MMRN2: variants seen among roughly 807,000 people sequenced by gnomAD.
The protein encoded by MMRN2 is multimerin 2, also known as multimerin-2.
MMRN2 carries 53 observed loss-of-function variants against 68.8 expected under a neutral mutation model. That is an observed-to-expected ratio of 0.77 (90% CI 0.62 to 0.97). The LOEUF is 0.97. Ranked by LOEUF, MMRN2 falls within the 50% of genes least tolerant of loss-of-function variation. MMRN2 has a pLI of 0.00. For missense variants in MMRN2, 1,266 were observed against 1,259.5 expected, an observed-to-expected ratio of 1.01 and a Z score of -0.08; for synonymous variants, 564 against 551.6, an observed-to-expected ratio of 1.02 and a Z score of -0.32.
At chr10:86,948,224 CAAAAAA>C (rs57877767) in intron 1 of MMRN2, among the ~76,000 whole-genome samples, 1 of 98,854 alleles carries the variant, frequency 1.0e-5, no homozygotes, top group Non-Finnish European at 2.0e-5. Context: ...AACCCTATCT[CAAAAAA>C]AAAAAAAAAA....
At position 86,943,665 on chromosome 10, in the gene MMRN2, C is replaced by T. The variant is rs761332031; in HGVS notation, c.1119G>A (p.Leu373=). The change falls in exon 6 of 7, where the codon CTG becomes CTA. Residue 373 remains leucine, a synonymous_variant. Coordinates refer to ENST00000372027, the MANE Select transcript of MMRN2 (RefSeq NM_024756.3). This position sits in a 1 kb window ranked among gnomAD's most constrained non-coding sequence, Gnocchi z 4.2. ...CTGAGAGGTTCCTCTGCAGCTGGCC[C>T]AGCCTGGCCTGCAGGCTGTCCGGCT... The part of the protein sequence containing the change: ...RPEPDSLQAR[L]GQLQRNLSEL... 1.4e-4 allele frequency: 221 copies of T among 1,612,088 alleles called. 2 individuals are homozygous for T. The Admixed American group carries it at 3.7e-3, about 27-fold the overall frequency.
At chr10:86,949,912 A>AATAATT (rs1491529882) in intron 1 of MMRN2, 4 of 149,172 alleles carry the variant, frequency 2.7e-5, no homozygotes, top group Non-Finnish European at 5.9e-5. Context: ...TAATAATAAT[A>AATAATT]ATAGTCTTGG....
chr10:86,937,605 A>T (rs149670834), intron 6 of MMRN2, among the ~76,000 whole-genome samples: 1 of 152,160 alleles, frequency 6.6e-6, no homozygotes, highest in African/African-American at 2.4e-5. Flanking sequence ...TTCTCGTTTG[A>T]TCCCTTTTCC....
intron 1 of MMRN2, among the ~76,000 whole-genome samples, chr10:86,952,792 T>C (rs1485325360): frequency 6.6e-6 from 1 of 152,174 alleles, no homozygotes; most frequent in African/African-American, 2.4e-5. Context: ...GAGAACCAGT[T>C]TGATCTCAAA....
chr10:86,948,427 G>A (rs1050003077), intron 1 of MMRN2, among the ~76,000 whole-genome samples: 1 of 151,928 alleles, frequency 6.6e-6, no homozygotes, highest in Non-Finnish European at 1.5e-5. Context: ...GAGAGGAAGC[G>A]TGAGCATTCA....
At position 86,949,768 on chromosome 10, in the gene MMRN2, C is replaced by T. The variant is rs184020911; in HGVS notation, c.165-4079G>A. The T allele has an allele frequency of 6.7e-3, 1,015 of 151,438 alleles. 10 individuals carry two copies. Among genetic ancestry groups the T allele is most frequent in the South Asian group, 0.037 (175 of 4,764 alleles). 9.4% of individuals were successfully genotyped at this position (151,438 alleles called of 1,614,324 possible). The stretch of plus-strand genomic sequence containing the variant: ...GTGCACGCCTGTAATCCCAGCTACT[C>T]GGGAGACTGAGGCAGGAGAATCACT... On this transcript the variant is annotated intron_variant, in intron 1 of 6. Coordinates refer to ENST00000372027, the MANE Select transcript of MMRN2 (RefSeq NM_024756.3).
chr10:86,942,793 G>A lies in MMRN2; in HGVS notation c.1991C>T (p.Ala664Val). 7.3e-7 allele frequency: 1 copy of A among 1,360,786 alleles called. No homozygotes were observed. Among genetic ancestry groups the A allele is most frequent in the Non-Finnish European group, 9.4e-7 (1 of 1,059,504 alleles). The allele number at this position is 1,360,786 out of a possible 1,614,324, so 84.3% of individuals were successfully genotyped here. ...GWDELAARVT[A>V]LEQASEPPRP... ...CGGGGGCTCCGAGGCCTGCTCCAGG[G>A]CCGTCACTCGGGCGGCCAGCTCGTC... The change falls in exon 6 of 7, where the codon GCC becomes GTC. Residue 664 changes from alanine to valine, a missense_variant. Ala to Val is a moderately conservative substitution (Grantham distance 64). Coordinates refer to ENST00000372027, the MANE Select transcript of MMRN2 (RefSeq NM_024756.3).
chr10:86,945,349 G>T, intron 3 of MMRN2, 21 bp downstream of exon 3: 5 of 1,601,656 alleles, frequency 3.1e-6, no homozygotes, highest in Non-Finnish European at 4.3e-6. Context: ...AAGGGGGGAA[G>T]GGGGCCGCAG....
chr10:86,953,652 C>T (rs1456567787), intron 1 of MMRN2, among the ~76,000 whole-genome samples: 2 of 152,186 alleles, frequency 1.3e-5, no homozygotes, highest in Non-Finnish European at 2.9e-5. Context: ...CTGCCAAATA[C>T]CCTACAATGC....
intron 1 of MMRN2, 84 bp downstream of exon 1, chr10:86,957,294 G>A (rs1056856236): frequency 2.8e-6 from 4 of 1,418,194 alleles, no homozygotes; most frequent in African/African-American, 1.4e-5. Flanking sequence ...TGGGACCCCA[G>A]TGAGGTCTAG....
In MMRN2 at chr10:86,942,657, C is replaced by T. The variant is rs775565243; in HGVS notation, c.2127G>A (p.Lys709=). 18 of 1,596,446 alleles carry T rather than the reference C, an allele frequency of 1.1e-5. No homozygotes were observed. The highest frequency in any genetic ancestry group is 3.4e-6 in the Non-Finnish European group (4 of 1,178,214). Residue 709 remains lysine (K), a synonymous_variant, in exon 6 of 7, where the codon AAG becomes AAA. Transcript: ENST00000372027. The part of the protein sequence containing the change: ...RELQSLSNDV[K]NVGRCCEAEA... ...CGGCCTCGCAGCACCGCCCGACATT[C>T]TTGACGTCGTTGCTCAGGCTCTGGA...
In MMRN2 at chr10:86,943,071, C is replaced by T; in HGVS notation, c.1713G>A (p.Leu571=). ...CCTTCAGCGCGCCCACCTCGTCATC[C>T]AGCGCCTGCACTTGGCTCCGGAGCC... ...TSRLRSQVQA[L]DDEVGALKAA... is the part of the protein sequence containing the mutation. The change falls in exon 6 of 7, where the codon CTG becomes CTA. Residue 571 remains leucine (L), a synonymous_variant. Coordinates refer to ENST00000372027, the MANE Select transcript of MMRN2 (RefSeq NM_024756.3). The surrounding 1 kb of genome is among the most constrained non-coding windows in gnomAD (Gnocchi z 4.2). 1.4e-6 allele frequency: 2 copies of T among 1,420,322 alleles called. No individual in the cohort carries two copies. The highest frequency in any genetic ancestry group is 3.7e-4 in the Middle Eastern group (2 of 5,478). 88.0% of individuals were successfully genotyped at this position (1,420,322 alleles called of 1,614,324 possible). A position where few individuals can be genotyped will look rare whatever the true frequency, so the allele number is the denominator to read the frequency against.
intron 1 of MMRN2, among the ~76,000 whole-genome samples, chr10:86,955,485 G>T (rs767065965): frequency 3.7e-4 from 57 of 152,230 alleles, no homozygotes; most frequent in Middle Eastern, 6.8e-3. Context: ...CTGCATCCTG[G>T]GCCCAGCCTA....
At chr10:86,940,881 G>C (rs746677) in intron 6 of MMRN2, among the ~76,000 whole-genome samples, 2 of 151,982 alleles carry the variant, frequency 1.3e-5, no homozygotes, top group African/African-American at 4.8e-5. Flanking sequence ...TCCCCCTCCC[G>C]GGACCACACT....
chr10:86,944,141 T>G lies in MMRN2; in HGVS notation c.656-13A>C. The G allele has an allele frequency of 6.2e-7, 1 of 1,610,358 alleles. No homozygotes were observed. The highest frequency in any genetic ancestry group is 8.5e-7 in the Non-Finnish European group (1 of 1,177,426). On this transcript the variant is annotated splice_polypyrimidine_tract_variant and intron_variant, in intron 5 of 6. Transcript: ENST00000372027. ...CTATCAGGGAACTCTGCAACAGACA[T>G]GTGGTGTGACACAAGCCCTGCAGGA...
In MMRN2 at chr10:86,942,912, C is replaced by A; in HGVS notation, c.1872G>T (p.Glu624Asp). The stretch of plus-strand genomic sequence containing the variant: ...TCAGGGGCAGCGGTCCCGGCGTCTG[C>A]TCAGACATCTCCTCCAGCACCTCCT... ...FGEEVLEEMS[E>D]QTPGPLPLSY... is the part of the protein sequence containing the mutation. Residue 624 changes from glutamate (E) to aspartate (D), a missense_variant, in exon 6 of 7, where the codon GAG (glutamate) becomes GAT (aspartate). Physicochemically the swap from Glu to Asp is conservative, Grantham distance 45. Transcript: ENST00000372027. 1 of 1,489,876 alleles carries A rather than the reference C, an allele frequency of 6.7e-7. No individual in the cohort carries two copies. Among genetic ancestry groups the A allele is most frequent in the Non-Finnish European group, 8.9e-7 (1 of 1,120,352 alleles). 92.3% of individuals were successfully genotyped at this position (1,489,876 alleles called of 1,614,324 possible).
intron 1 of MMRN2, among the ~76,000 whole-genome samples, chr10:86,955,485 G>C (rs767065965): frequency 6.6e-6 from 1 of 152,112 alleles, no homozygotes; most frequent in African/African-American, 2.4e-5. Context: ...CTGCATCCTG[G>C]GCCCAGCCTA....
intron 1 of MMRN2, among the ~76,000 whole-genome samples, chr10:86,954,864 G>A (rs1323898913): frequency 1.3e-5 from 2 of 152,132 alleles, no homozygotes; most frequent in African/African-American, 4.8e-5. Context: ...GGAGGAACAA[G>A]TGCAAAAGGT....
chr10:86,942,860 G>T lies in MMRN2; in HGVS notation c.1924C>A (p.Gln642Lys), dbSNP rs1843996331. Reference sequence around the variant, plus strand: ...TCCTGCAGCCCGCTAGCGGCGTCCTGCAGGGCCACGCGGATCTGCTCGTAG... The same window carrying T: ...TCCTGCAGCCCGCTAGCGGCGTCCTTCAGGGCCACGCGGATCTGCTCGTAG... The part of the protein sequence containing the change: ...LSYEQIRVAL[Q>K]DAASGLQEQA... The change falls in exon 6 of 7, where the codon CAG (glutamine) becomes AAG (lysine). Residue 642 changes from glutamine (Q) to lysine (K), a missense_variant. Coordinates refer to ENST00000372027, the MANE Select transcript of MMRN2 (RefSeq NM_024756.3). 7.1e-6 allele frequency: 10 copies of T among 1,405,584 alleles called. No homozygotes were observed. Among genetic ancestry groups the T allele is most frequent in the Non-Finnish European group, 9.3e-6 (10 of 1,080,172 alleles). 87.1% of individuals were successfully genotyped at this position (1,405,584 alleles called of 1,614,324 possible).
Sources: gnomAD v4.1 joint callset for allele counts (sites outside exome capture counted in the v4.1 genomes callset) on GRCh38, gnomAD v4.1.1 for gene constraint, Gnocchi (gnomAD v3.1) non-coding constraint, MANE v1.5 for transcripts, NCBI Gene and HGNC (gene_info 2026-07-23, HGNC 2026-07-21) for gene names.